KLHL29: variants seen among roughly 807,000 people sequenced by gnomAD.
The protein encoded by KLHL29 is kelch-like protein 29.
KLHL29 carries 21 observed loss-of-function variants against 80.4 expected under a neutral mutation model. The ratio of observed to expected loss-of-function variants is 0.26; its 90% CI spans 0.19 to 0.38. KLHL29 has a LOEUF of 0.38. KLHL29 is among the 10% of genes least tolerant of loss of function. KLHL29 has a pLI of 1.00. For missense variants in KLHL29, 867 were observed against 1,223.9 expected (o/e 0.71, Z 4.35); for synonymous variants, 511 against 526.8 (o/e 0.97, Z 0.41).
chr2:23,705,179 A>T (rs1186764090), intron 13 of KLHL29, among the ~76,000 whole-genome samples: 4 of 152,204 alleles, frequency 2.6e-5, no homozygotes, highest in Admixed American at 1.3e-4. Flanking sequence ...GGATGCTCGC[A>T]CCTTCTCTGA....
At chr2:23,460,516 T>C (rs1664180050) in intron 1 of KLHL29, among the ~76,000 whole-genome samples, 1 of 152,114 alleles carries the variant, frequency 6.6e-6, no homozygotes, top group Non-Finnish European at 1.5e-5. Flanking sequence ...CAAAGAATTA[T>C]CTTGCCCCAA....
chr2:23,559,796 G>C lies in KLHL29; in HGVS notation c.-45-2356G>C, dbSNP rs111786458. 2.8e-3 allele frequency among the ~76,000 whole-genome samples: 429 copies of C among 152,178 alleles called. 2 individuals are homozygous for C. The highest frequency in any genetic ancestry group is 9.7e-3 in the African/African-American group (404 of 41,508). On this transcript the variant is annotated intron_variant, in intron 2 of 13. Coordinates refer to ENST00000486442, the MANE Select transcript of KLHL29 (RefSeq NM_052920.2). The stretch of plus-strand genomic sequence containing the variant: ...CCTTGGGAGTTATCCAGAAAGAGGG[G>C]ATGGAGGGATGAGATCATCCGGGGA...
chr2:23,551,654 G>A (rs982831256), intron 2 of KLHL29, among the ~76,000 whole-genome samples: 2 of 152,166 alleles, frequency 1.3e-5, no homozygotes, highest in African/African-American at 2.4e-5. Flanking sequence ...TGTCCCCCAG[G>A]GCCATCTAGG....
At position 23,503,275 on chromosome 2, in the gene KLHL29, C is replaced by T. The variant is rs1665506092; in HGVS notation, c.-46+27608C>T. ...CGCTCTGCCTCTGTTGTTGCTCTGA[C>T]CTTTGACAAATCATTCCCTTGCCTG... On this transcript the variant is annotated intron_variant, in intron 2 of 13. Transcript: ENST00000486442. This position sits in a 1 kb window ranked among gnomAD's most constrained non-coding sequence, Gnocchi z 4.0. Among the ~76,000 whole-genome samples the T allele has an allele frequency of 6.6e-6, 1 of 152,148 alleles. No homozygotes were observed. Among genetic ancestry groups the T allele is most frequent in the Admixed American group, 6.5e-5 (1 of 15,276 alleles).
intron 3 of KLHL29, among the ~76,000 whole-genome samples, chr2:23,619,930 G>A (rs1331968410): frequency 6.6e-6 from 1 of 152,176 alleles, no homozygotes; most frequent in African/African-American, 2.4e-5. Context: ...GAGCAAATAG[G>A]ACTTAGAGTC....
intron 6 of KLHL29, chr2:23,690,641 A>T (rs962649873): frequency 6.6e-6 from 1 of 152,014 alleles, no homozygotes; most frequent in Non-Finnish European, 1.5e-5. Flanking sequence ...TACTCAGAGG[A>T]GCCAGGATGG....
In KLHL29 at chr2:23,439,303, C is replaced by T. The variant is rs182185589; in HGVS notation, c.-153-36257C>T. On this transcript the variant is annotated intron_variant, in intron 1 of 13. Transcript: ENST00000486442. Reference sequence around the variant, plus strand: ...TTTTTTGAAGGGTTTTTTTTGTCTTCATTTCCTTCAGTTCTGCTCTGATTT... The same window carrying T: ...TTTTTTGAAGGGTTTTTTTTGTCTTTATTTCCTTCAGTTCTGCTCTGATTT... Among the ~76,000 whole-genome samples the T allele has an allele frequency of 2.6e-3, 398 of 151,190 alleles. 2 individuals carry two copies. The highest frequency in any genetic ancestry group is 6.8e-3 in the Middle Eastern group (2 of 292).
intron 2 of KLHL29, among the ~76,000 whole-genome samples, chr2:23,500,510 C>T (rs1037307773): frequency 1.3e-5 from 2 of 152,170 alleles, no homozygotes; most frequent in Admixed American, 1.3e-4. Flanking sequence ...TATGTAGAGA[C>T]ACCCACCTGG....
chr2:23,472,007 G>C (rs575556189), intron 1 of KLHL29, among the ~76,000 whole-genome samples: 19 of 152,084 alleles, frequency 1.2e-4, no homozygotes, highest in African/African-American at 4.6e-4. Context: ...TAGCTTATAG[G>C]CCTCCCAGAA....
intron 3 of KLHL29, among the ~76,000 whole-genome samples, chr2:23,611,558 T>C (rs1421801613): frequency 6.6e-6 from 1 of 152,218 alleles, no homozygotes; most frequent in Non-Finnish European, 1.5e-5. Context: ...AAAGATACCA[T>C]CTTGACCTCA....
At chr2:23,412,453 T>C (rs772787419) in intron 1 of KLHL29, among the ~76,000 whole-genome samples, 1 of 152,136 alleles carries the variant, frequency 6.6e-6, no homozygotes, top group Non-Finnish European at 1.5e-5. Flanking sequence ...ATGCTGGATA[T>C]GCAGGTGGGC....
intron 5 of KLHL29, among the ~76,000 whole-genome samples, chr2:23,666,663 G>C (rs1350746390): frequency 1.3e-5 from 2 of 152,236 alleles, no homozygotes; most frequent in African/African-American, 4.8e-5. Flanking sequence ...ACCTCTGATC[G>C]TGACTGAGCG....
intron 2 of KLHL29, chr2:23,532,456 C>T (rs1368224478): frequency 2.4e-6 from 1 of 414,606 alleles, no homozygotes; most frequent in Non-Finnish European, 4.8e-6. Context: ...CCTCTGCACC[C>T]AGGGCAGCAC....
chr2:23,654,190 A>AG (rs1670168814), intron 5 of KLHL29, among the ~76,000 whole-genome samples: 1 of 151,726 alleles, frequency 6.6e-6, no homozygotes, highest in Non-Finnish European at 1.5e-5. Flanking sequence ...AAAAAAAAAA[A>AG]CTAAATCACC....
At chr2:23,417,468 C>T (rs931260403) in intron 1 of KLHL29, among the ~76,000 whole-genome samples, 5 of 152,188 alleles carry the variant, frequency 3.3e-5, no homozygotes, top group African/African-American at 9.7e-5. Context: ...TTACATACGT[C>T]GAACCTCGAG....
intron 1 of KLHL29, among the ~76,000 whole-genome samples, chr2:23,441,756 G>A (rs1663531870): frequency 6.6e-6 from 1 of 152,144 alleles, no homozygotes; most frequent in Non-Finnish European, 1.5e-5. Flanking sequence ...TCCTTTCCAT[G>A]TGGCCTCTCC....
At position 23,695,170 on chromosome 2, in the gene KLHL29, A is replaced by G. The variant is rs952535686; in HGVS notation, c.1543-453A>G. 6.6e-6 allele frequency among the ~76,000 whole-genome samples: 1 copy of G among 152,116 alleles called. No homozygotes were observed. The highest frequency in any genetic ancestry group is 2.4e-5 in the African/African-American group (1 of 41,412). ...CAGGCTCCCACGGCTGAGACTTACAAGCTCAATAGTCGCCATCTCCTTGAA... is the reference window on the plus strand; with the variant it reads ...CAGGCTCCCACGGCTGAGACTTACAGGCTCAATAGTCGCCATCTCCTTGAA... On this transcript the variant is annotated intron_variant, in intron 8 of 13. Transcript: ENST00000486442. The surrounding 1 kb of genome is among the most constrained non-coding windows in gnomAD (Gnocchi z 7.6).
At chr2:23,666,663 G>A (rs1350746390) in intron 5 of KLHL29, among the ~76,000 whole-genome samples, 2 of 152,236 alleles carry the variant, frequency 1.3e-5, no homozygotes, top group South Asian at 2.1e-4. Context: ...ACCTCTGATC[G>A]TGACTGAGCG....
At chr2:23,650,562 A>G (rs1670062845) in intron 5 of KLHL29, among the ~76,000 whole-genome samples, 1 of 152,208 alleles carries the variant, frequency 6.6e-6, no homozygotes, top group Non-Finnish European at 1.5e-5. Context: ...ATCTTGCACA[A>G]GAGTCCATCA....
Sources: gnomAD v4.1 joint callset for allele counts (sites outside exome capture counted in the v4.1 genomes callset) on GRCh38, gnomAD v4.1.1 for gene constraint, Gnocchi (gnomAD v3.1) non-coding constraint, MANE v1.5 for transcripts, NCBI Gene and HGNC (gene_info 2026-07-23, HGNC 2026-07-21) for gene names.